Variants in ANKS1B observed in about 807,000 individuals in gnomAD.
The protein encoded by ANKS1B is ankyrin repeat and sterile alpha motif domain-containing protein 1B.
ANKS1B carries 36 observed loss-of-function variants against 148.3 expected under a neutral mutation model. The ratio of observed to expected loss-of-function variants is 0.24; its 90% CI spans 0.19 to 0.32. ANKS1B has a LOEUF of 0.32. ANKS1B is among the 10% of genes least tolerant of loss of function. The pLI, the probability that ANKS1B is intolerant of heterozygous loss-of-function variation, is 1.00. For synonymous variants in ANKS1B, 542 were observed against 560.8 expected (o/e 0.97, Z 0.47); for missense variants, 1,157 against 1,542.6 (o/e 0.75, Z 4.19).
At chr12:99,730,058 T>C (rs923368035) in intron 8 of ANKS1B, among the ~76,000 whole-genome samples, 7 of 152,248 alleles carry the variant, frequency 4.6e-5, no homozygotes, top group African/African-American at 1.7e-4. Context: ...TTGGCAGGAC[T>C]CTTTTTGTCA....
chr12:99,060,926 G>A (rs1323991753), intron 16 of ANKS1B, among the ~76,000 whole-genome samples: 1 of 152,128 alleles, frequency 6.6e-6, no homozygotes, highest in African/African-American at 2.4e-5. Context: ...AGTTCTTGAT[G>A]GGACAACTTA....
intron 12 of ANKS1B, among the ~76,000 whole-genome samples, chr12:99,369,095 C>T (rs2092942985): frequency 6.6e-6 from 1 of 152,086 alleles, no homozygotes; most frequent in Non-Finnish European, 1.5e-5. Flanking sequence ...GGCAAACAGA[C>T]CTTGCAATGA....
At chr12:99,180,547 G>C (rs2078981404) in intron 14 of ANKS1B, among the ~76,000 whole-genome samples, 1 of 151,830 alleles carries the variant, frequency 6.6e-6, no homozygotes, top group Non-Finnish European at 1.5e-5. Context: ...AGGTAATCAA[G>C]GCTGATCACT....
At chr12:99,874,090 C>A (rs2091842408) in intron 1 of ANKS1B, among the ~76,000 whole-genome samples, 1 of 150,500 alleles carries the variant, frequency 6.6e-6, no homozygotes, top group Non-Finnish European at 1.5e-5. Context: ...AGCTATGCTT[C>A]AGGAATACAA....
chr12:99,545,197 C>T lies in ANKS1B; in HGVS notation c.1273-40556G>A, dbSNP rs574585826. Among the ~76,000 whole-genome samples the T allele has an allele frequency of 8.5e-5, 13 of 152,180 alleles. No homozygotes were observed. In the South Asian group the frequency reaches 1.0e-3, roughly 12 times the overall value. Reference sequence around the variant, plus strand: ...GGAGCTCTATTTCTATGTCTGAAAACGAAATTAGACTTCTTGCTTTTATTT... The same window carrying T: ...GGAGCTCTATTTCTATGTCTGAAAATGAAATTAGACTTCTTGCTTTTATTT... On this transcript the variant is annotated intron_variant, in intron 9 of 26. Coordinates refer to ENST00000683438, the MANE Select transcript of ANKS1B (RefSeq NM_001352186.2).
chr12:99,653,854 AGGT>A (rs1169558403), intron 9 of ANKS1B, among the ~76,000 whole-genome samples: 1 of 151,752 alleles, frequency 6.6e-6, no homozygotes, highest in African/African-American at 2.4e-5. Flanking sequence ...TGTAGAGACA[AGGT>A]CTCACTATGT....
chr12:98,932,194 G>C (rs1307763794), intron 17 of ANKS1B, among the ~76,000 whole-genome samples: 2 of 152,136 alleles, frequency 1.3e-5, no homozygotes, highest in African/African-American at 4.8e-5. Context: ...CAATTTCCCT[G>C]CTCTGGTAGG....
intron 1 of ANKS1B, among the ~76,000 whole-genome samples, chr12:99,914,942 A>G (rs1270189169): frequency 6.6e-6 from 1 of 151,878 alleles, no homozygotes; most frequent in African/African-American, 2.4e-5. Flanking sequence ...AAAAGCTCCA[A>G]CTGTAAGGCG....
chr12:98,829,255 C>A lies in ANKS1B; in HGVS notation c.2985G>T (p.Met995Ile). Residue 995 changes from methionine to isoleucine, a missense_variant, in exon 19 of 27, where the codon ATG (methionine) becomes ATT (isoleucine). This residue lies in a region of ANKS1B where 258 missense variants were observed against 497.0 expected (regional missense o/e 0.52). Coordinates refer to ENST00000683438, the MANE Select transcript of ANKS1B (RefSeq NM_001352186.2). This position sits in a 1 kb window ranked among gnomAD's most constrained non-coding sequence, Gnocchi z 5.2. ...GGSLDVPHII[M>I]QGDARRRRNE... is the part of the protein sequence containing the mutation. Reference sequence around the variant, plus strand: ...TTCTTCTCCTCCTTGCATCGCCCTGCATGATAATGTGAGGAACGTCTAGGG... The same window carrying A: ...TTCTTCTCCTCCTTGCATCGCCCTGAATGATAATGTGAGGAACGTCTAGGG... The A allele has an allele frequency of 6.2e-7, 1 of 1,614,006 alleles. No individual in the cohort carries two copies. The highest frequency in any genetic ancestry group is 1.1e-5 in the South Asian group (1 of 91,080).
intron 8 of ANKS1B, among the ~76,000 whole-genome samples, chr12:99,678,906 A>T (rs2098597702): frequency 6.6e-6 from 1 of 152,224 alleles, no homozygotes; most frequent in East Asian, 1.9e-4. Flanking sequence ...AGAGGTAAAA[A>T]TAACAGAGGA....
chr12:99,588,859 A>C (rs892504828), intron 9 of ANKS1B, among the ~76,000 whole-genome samples: 1 of 152,240 alleles, frequency 6.6e-6, no homozygotes, highest in African/African-American at 2.4e-5. Context: ...AACAGAGATC[A>C]TATTTTAGAA....
chr12:99,281,887 A>T (rs1456054353), intron 12 of ANKS1B, among the ~76,000 whole-genome samples: 2 of 152,230 alleles, frequency 1.3e-5, no homozygotes, highest in Non-Finnish European at 2.9e-5. Flanking sequence ...ACTTTATTTG[A>T]ACTACAAAAA....
rs34743530 is a variant in ANKS1B, at chr12:98,790,960, TA to T, written c.3342+7973del. 3.3e-4 allele frequency among the ~76,000 whole-genome samples: 50 copies of T among 152,098 alleles called. 1 individual carries two copies. The highest frequency in any genetic ancestry group is 3.3e-3 in the Admixed American group (50 of 15,268). ...GGAGAAAAGCTAGCAACAAGGGCTA[TA>T]AAAAATAACAAAGAGAACTGGGGTT... On this transcript the variant is annotated intron_variant, in intron 22 of 26. Coordinates refer to ENST00000683438, the MANE Select transcript of ANKS1B (RefSeq NM_001352186.2).
chr12:99,500,060 C>T (rs528575089), intron 10 of ANKS1B, among the ~76,000 whole-genome samples: 3 of 152,078 alleles, frequency 2.0e-5, no homozygotes, highest in Non-Finnish European at 4.4e-5. Context: ...GGAAAGAAAA[C>T]GTAACTGTAA....
At chr12:99,276,088 A>T (rs545021534) in intron 12 of ANKS1B, among the ~76,000 whole-genome samples, 2 of 152,338 alleles carry the variant, frequency 1.3e-5, no homozygotes, top group Middle Eastern at 3.4e-3. Flanking sequence ...AATACTCCCT[A>T]TGCCAGAATA....
At chr12:99,812,074 T>C (rs966228112) in intron 3 of ANKS1B, 81 bp downstream of exon 3, 3 of 1,491,528 alleles carry the variant, frequency 2.0e-6, no homozygotes, top group African/African-American at 2.8e-5. Flanking sequence ...AAGGTAAAGA[T>C]AAAAAAATCA....
At chr12:99,914,931 T>G (rs2094123905) in intron 1 of ANKS1B, among the ~76,000 whole-genome samples, 1 of 151,990 alleles carries the variant, frequency 6.6e-6, no homozygotes, top group Non-Finnish European at 1.5e-5. Context: ...GTCCTACTGA[T>G]AAAAGCTCCA....
intron 1 of ANKS1B, among the ~76,000 whole-genome samples, chr12:99,941,804 T>C (rs556697332): frequency 1.3e-5 from 2 of 152,116 alleles, no homozygotes; most frequent in South Asian, 4.1e-4. Flanking sequence ...ACACAATAAA[T>C]GAAGAAAGGG....
intron 17 of ANKS1B, among the ~76,000 whole-genome samples, chr12:98,915,692 G>A (rs530510160): frequency 1.4e-4 from 21 of 152,262 alleles, no homozygotes; most frequent in African/African-American, 5.1e-4. Flanking sequence ...ACCTGGGTGT[G>A]TTACTTTATC....
Sources: gnomAD v4.1 joint callset for allele counts (sites outside exome capture counted in the v4.1 genomes callset) on GRCh38, gnomAD v4.1.1 for gene constraint, gnomAD v4.1.1 regional missense constraint, Gnocchi (gnomAD v3.1) non-coding constraint, MANE v1.5 for transcripts, NCBI Gene and HGNC (gene_info 2026-07-23, HGNC 2026-07-21) for gene names.